The following NOTCH1 variants were observed in gnomAD, a reference collection of about 807,000 sequenced individuals.
NOTCH1 encodes the protein neurogenic locus notch homolog protein 1.
In NOTCH1, 37 loss-of-function variants were observed where a neutral mutation model predicts 254.8. The observed-to-expected ratio is 0.15, with a 90% CI of 0.11 to 0.19. The LOEUF (loss-of-function observed/expected upper bound fraction) is 0.19. Ranked by LOEUF, NOTCH1 falls within the 10% of genes least tolerant of loss-of-function variation. The probability of loss-of-function intolerance (pLI) is 1.00; values close to 1 mark genes in which losing one functional copy is unlikely to be tolerated. For missense variants in NOTCH1, 2,972 were observed against 3,708.6 expected, an observed-to-expected ratio of 0.80 and a Z score of 5.16; for synonymous variants, 1,731 against 1,618.1, an observed-to-expected ratio of 1.07 and a Z score of -1.68.
At chr9:136,534,597 G>T (rs1474076891) in intron 2 of NOTCH1, among the ~76,000 whole-genome samples, 3 of 152,130 alleles carry the variant, frequency 2.0e-5, no homozygotes, top group African/African-American at 4.8e-5. Flanking sequence ...GTGAGGCCGG[G>T]TGAGTGTTCT....
intron 2 of NOTCH1, among the ~76,000 whole-genome samples, chr9:136,539,681 C>G (rs561292055): frequency 6.6e-6 from 1 of 152,220 alleles, no homozygotes; most frequent in Non-Finnish European, 1.5e-5. Flanking sequence ...CTAACCCTGG[C>G]GCCCTTGAAG....
At chr9:136,501,477 C>T (rs1326492388) in intron 30 of NOTCH1, among the ~76,000 whole-genome samples, 24 of 150,938 alleles carry the variant, frequency 1.6e-4, no homozygotes, top group Admixed American at 1.5e-3. Flanking sequence ...AGAAAATCAA[C>T]GCTTTCCATG....
At chr9:136,510,421 A>T (rs950935272) in intron 17 of NOTCH1, 10 of 611,092 alleles carry the variant, frequency 1.6e-5, no homozygotes, top group South Asian at 1.5e-4. Context: ...GAGCCGTGGG[A>T]GGGGCTCTCG....
rs200699541 is a variant in NOTCH1, at chr9:136,509,785, C to T, written c.2917G>A (p.Ala973Thr). 45 of 1,613,076 alleles carry T rather than the reference C, an allele frequency of 2.8e-5. No individual in the cohort carries two copies. Among genetic ancestry groups the T allele is most frequent in the East Asian group, 4.5e-5 (2 of 44,882 alleles). The change falls in exon 18 of 34, where the codon GCA becomes ACA. Residue 973 changes from alanine (A) to threonine (T), a missense_variant. Coordinates refer to ENST00000651671, the MANE Select transcript of NOTCH1 (RefSeq NM_017617.5). The part of the protein sequence containing the change: ...CVDSYTCTCP[A>T]GFSGIHCENN... The stretch of plus-strand genomic sequence containing the variant: ...TCACAGTGGATCCCGCTGAAGCCTG[C>T]GGGGCAGGTGCACGTGTAGCTGTCC...
rs753404845 is a variant in NOTCH1 at position 136,496,057 on chromosome 9, G to C, written c.*14C>G. The C allele has an allele frequency of 1.6e-5, 25 of 1,592,544 alleles. No homozygotes were observed. In the South Asian group the frequency reaches 2.4e-4, roughly 15 times the overall value. On this transcript the variant is annotated 3_prime_UTR_variant, in exon 34 of 34. Coordinates refer to ENST00000651671, the MANE Select transcript of NOTCH1 (RefSeq NM_017617.5). ...GCTTGGGAAAGGAAGCCGGGGTCTC[G>C]TGGGGCGCGCCGTTTACTTGAAGGC...
Position 136,496,665 on chromosome 9 carries a change from G to A in NOTCH1, c.7074C>T (p.Ala2358=). ...GPLHSSLAAS[A]LSQMMSYQGL... ...CCTGGTAGCTCATCATCTGGGACAG[G>A]GCGCTGGCAGCAAGGCTACTGTGCA... Residue 2358 remains alanine, a synonymous_variant, in exon 34 of 34, where the codon GCC becomes GCT. Coordinates refer to ENST00000651671, the MANE Select transcript of NOTCH1 (RefSeq NM_017617.5). 1 of 1,612,966 alleles carries A rather than the reference G, an allele frequency of 6.2e-7. No homozygotes were observed.
rs779086531 is a variant in NOTCH1 at position 136,505,793 on chromosome 9, C to T, written c.4103G>A (p.Arg1368His). ...LNGGTCISGP[R>H]SPTCLCLGPF... ...GCCCAGGCACAGGCAGGTGGGGCTG[C>T]GCGGGCCGGAGATGCATGTGCCGCC... Residue 1368 changes from arginine to histidine, a missense_variant, in exon 25 of 34, where the codon CGC becomes CAC. This residue lies in a region of NOTCH1 where 1,343 missense variants were observed against 1,557.0 expected (regional missense o/e 0.86). Transcript: ENST00000651671. 7.4e-5 allele frequency: 117 copies of T among 1,583,168 alleles called. 1 individual carries two copies. Among genetic ancestry groups the T allele is most frequent in the Middle Eastern group, 1.7e-4 (1 of 5,982 alleles).
Position 136,515,300 on chromosome 9 carries a change from C to T in NOTCH1, c.2004G>A (p.Pro668=), listed in dbSNP as rs746470497. 1.6e-5 allele frequency: 25 copies of T among 1,612,536 alleles called. No individual in the cohort carries two copies. Among genetic ancestry groups the T allele is most frequent in the Middle Eastern group, 1.6e-4 (1 of 6,084 alleles). Residue 668 remains proline (P), a synonymous_variant, in exon 12 of 34, where the codon CCG becomes CCA. Coordinates refer to ENST00000651671, the MANE Select transcript of NOTCH1 (RefSeq NM_017617.5). ...KIDGYECACE[P]GYTGSMCNIN... ...TGCAGGGCCGCTCACCTGTGTAGCC[C>T]GGCTCACAGGCACACTCGTAGCCAT...
In NOTCH1 at chr9:136,513,217, C is replaced by T; in HGVS notation, c.2354-83G>A. 2.1e-6 allele frequency: 3 copies of T among 1,427,420 alleles called. No homozygotes were observed. The highest frequency in any genetic ancestry group is 1.2e-5 in the South Asian group (1 of 86,572). The allele number at this position is 1,427,420 out of a possible 1,614,324, so 88.4% of individuals were successfully genotyped here. ...CCCCACAACAGCAGCCCTGGGCCTG[C>T]TCCCCACCCCAGGCCCCTCCTCATC... On this transcript the variant is annotated intron_variant, in intron 14 of 33. Coordinates refer to ENST00000651671, the MANE Select transcript of NOTCH1 (RefSeq NM_017617.5). This position sits in a 1 kb window ranked among gnomAD's most constrained non-coding sequence, Gnocchi z 4.7.
At chr9:136,500,375 C>T (rs530607998) in intron 31 of NOTCH1, among the ~76,000 whole-genome samples, 177 bp downstream of exon 31, 7 of 152,332 alleles carry the variant, frequency 4.6e-5, no homozygotes, top group African/African-American at 9.6e-5. Flanking sequence ...CAGATGGGCC[C>T]GACGCCCTCC....
chr9:136,517,718 A>G (rs1843298578), intron 8 of NOTCH1, 34 bp downstream of exon 8: 2 of 1,611,716 alleles, frequency 1.2e-6, no homozygotes, highest in Non-Finnish European at 1.7e-6. Flanking sequence ...CCCAGCCTCG[A>G]CTCGGTTTCC....
intron 5 of NOTCH1, 132 bp downstream of exon 5, chr9:136,519,311 C>T: frequency 1.5e-6 from 2 of 1,341,976 alleles, no homozygotes; most frequent in Admixed American, 1.9e-5. Flanking sequence ...TGTTGTCCTT[C>T]TCGGCCAACC....
chr9:136,545,692 G>T lies in NOTCH1; in HGVS notation c.61+34C>A. 7.1e-7 allele frequency: 1 copy of T among 1,411,508 alleles called. No homozygotes were observed. The allele number at this position is 1,411,508 out of a possible 1,614,324, so 87.4% of individuals were successfully genotyped here. A position where few individuals can be genotyped will look rare whatever the true frequency, so the allele number is the denominator to read the frequency against. ...GCCGCCAAAGTTTCCAAAGGGCGCG[G>T]AAAGTGGGGGCTCGCGGGTGGGTGG... On this transcript the variant is annotated intron_variant, in intron 1 of 33. Transcript: ENST00000651671. This position sits in a 1 kb window ranked among gnomAD's most constrained non-coding sequence, Gnocchi z 6.8.
chr9:136,519,438 C>A lies in NOTCH1; in HGVS notation c.865+5G>T. 2.5e-6 allele frequency: 4 copies of A among 1,612,778 alleles called. No homozygotes were observed. Among genetic ancestry groups the A allele is most frequent in the Non-Finnish European group, 3.4e-6 (4 of 1,179,930 alleles). On this transcript the variant is annotated splice_donor_5th_base_variant and intron_variant, in intron 5 of 33. Transcript: ENST00000651671. ...ACCCCGCCCTGCGGCGACCCGTATA[C>A]GCGCCTGTCCACTCTGGCGGGCAGC...
At chr9:136,500,141 G>A (rs1054604092) in intron 31 of NOTCH1, among the ~76,000 whole-genome samples, 4 of 152,352 alleles carry the variant, frequency 2.6e-5, no homozygotes, top group East Asian at 3.9e-4. Flanking sequence ...GGCACCGAGC[G>A]GCAGCCTCTA....
chr9:136,537,358 G>A (rs988997409), intron 2 of NOTCH1, among the ~76,000 whole-genome samples: 2 of 152,176 alleles, frequency 1.3e-5, no homozygotes, highest in African/African-American at 4.8e-5. Flanking sequence ...AGAAGCCAGG[G>A]GCAAAAGACC....
chr9:136,517,609 T>C, intron 8 of NOTCH1, 143 bp downstream of exon 8: 1 of 1,120,772 alleles, frequency 8.9e-7, no homozygotes, highest in Non-Finnish European at 1.3e-6. Flanking sequence ...TGGCCTCAGT[T>C]TCCCCATGCC....
Position 136,540,172 on chromosome 9 carries a change from C to T in NOTCH1, c.140+3852G>A, listed in dbSNP as rs552290919. 8.5e-5 allele frequency among the ~76,000 whole-genome samples: 13 copies of T among 152,314 alleles called. No individual in the cohort carries two copies. Among genetic ancestry groups the T allele is most frequent in the African/African-American group, 2.9e-4 (12 of 41,574 alleles). ...AGGCCACCACCGGGCCGGCACACCC[C>T]CAACATGTCCCACATGTGAGCTAGG... is the stretch of plus-strand genomic sequence containing the variant. On this transcript the variant is annotated intron_variant, in intron 2 of 33. Coordinates refer to ENST00000651671, the MANE Select transcript of NOTCH1 (RefSeq NM_017617.5). This position sits in a 1 kb window ranked among gnomAD's most constrained non-coding sequence, Gnocchi z 4.4.
chr9:136,529,327 C>T (rs1177835213), intron 2 of NOTCH1, among the ~76,000 whole-genome samples: 2 of 152,238 alleles, frequency 1.3e-5, no homozygotes, highest in African/African-American at 4.8e-5. Flanking sequence ...CCAGCTCTAG[C>T]CCGGACCAAG....
Sources: allele counts gnomAD v4.1 joint callset (sites outside exome capture counted in the v4.1 genomes callset), GRCh38; gene constraint gnomAD v4.1.1; regional missense constraint gnomAD v4.1.1; non-coding constraint Gnocchi (gnomAD v3.1); transcripts MANE v1.5; gene names NCBI Gene and HGNC (gene_info 2026-07-23, HGNC 2026-07-21).